Variants in DNAH3 observed in about 807,000 individuals in gnomAD.
DNAH3 encodes axonemal beta dynein heavy chain 3.
A neutral mutation model predicts 432.5 loss-of-function variants in DNAH3; 332 were observed. The ratio of observed to expected loss-of-function variants is 0.77; its 90% CI spans 0.70 to 0.84. The LOEUF (loss-of-function observed/expected upper bound fraction) is 0.84. DNAH3 is among the 40% of genes least tolerant of loss of function. The pLI is 0.00. For synonymous variants in DNAH3, 1,956 were observed against 1,900.2 expected (o/e 1.03, Z -0.76); for missense variants, 4,861 against 5,114.0 (o/e 0.95, Z 1.51).
exon 6 of DNAH3, chr16:21,136,491 T>G: frequency 3.7e-6 from 6 of 1,614,168 alleles, no homozygotes; most frequent in Non-Finnish European, 5.1e-6. Flanking sequence ...GCGAATTCCA[T>G]TGGTCAGATA....
At chr16:21,145,365 G>A (rs1266384826) in exon 3 of DNAH3, 1 of 1,614,086 alleles carries the variant, frequency 6.2e-7, no homozygotes, top group African/African-American at 1.3e-5. Context: ...TCCATGACGT[G>A]CGTTGCATCA....
At chr16:21,056,376 TCCTC>T (rs147593906) in intron 27 of DNAH3, among the ~76,000 whole-genome samples, 5 of 132,612 alleles carry the variant, frequency 3.8e-5, no homozygotes, top group East Asian at 2.6e-4. Context: ...CCTTCTTTTT[TCCTC>T]CCTCCCTCCC....
intron 3 of DNAH3, among the ~76,000 whole-genome samples, chr16:21,143,972 A>T (rs1284425157): frequency 6.6e-6 from 1 of 151,060 alleles, no homozygotes; most frequent in Non-Finnish European, 1.5e-5. Context: ...TAAGAAACTC[A>T]CCCAGACGTA....
chr16:20,941,675 G>C, intron 58 of DNAH3, 132 bp from the exon 59 acceptor site: 2 of 1,170,282 alleles, frequency 1.7e-6, no homozygotes, highest in South Asian at 3.0e-5. Context: ...CTCTCCAACA[G>C]AAGCCATTTC....
At chr16:20,940,120 C>T (rs191995694) in intron 59 of DNAH3, among the ~76,000 whole-genome samples, 139 of 152,282 alleles carry the variant, frequency 9.1e-4, no homozygotes, top group Non-Finnish European at 1.6e-3. Flanking sequence ...GATAAGTACA[C>T]GGGCTCTGGA....
intron 23 of DNAH3, among the ~76,000 whole-genome samples, chr16:21,068,325 T>TGGGGGGGGGGGGGGG (rs10547729): frequency 1.3e-5 from 1 of 76,602 alleles, no homozygotes; most frequent in Non-Finnish European, 3.0e-5. Flanking sequence ...TTTTTTTGGG[T>TGGGGGGGGGGGGGGG]GGGGGGGGGG....
chr16:20,971,993 T>C (rs1396459191), intron 51 of DNAH3, among the ~76,000 whole-genome samples: 2 of 152,226 alleles, frequency 1.3e-5, no homozygotes, highest in Non-Finnish European at 2.9e-5. Context: ...CTGATGTACC[T>C]GATTCTAGCA....
At chr16:21,059,799 A>G (rs2090281046) in intron 26 of DNAH3, among the ~76,000 whole-genome samples, 1 of 151,404 alleles carries the variant, frequency 6.6e-6, no homozygotes, top group African/African-American at 2.4e-5. Flanking sequence ...AAGAAGAAAG[A>G]GAGCTAGAGT....
chr16:21,103,096 A>G (rs896270411), intron 16 of DNAH3, among the ~76,000 whole-genome samples: 1 of 152,058 alleles, frequency 6.6e-6, no homozygotes, highest in African/African-American at 2.4e-5. Context: ...ATTCTCACTC[A>G]TAAGTGGGAG....
chr16:20,946,974 G>A (rs573365721), intron 57 of DNAH3, among the ~76,000 whole-genome samples: 43 of 151,806 alleles, frequency 2.8e-4, no homozygotes, highest in Non-Finnish European at 5.6e-4. Flanking sequence ...ACAAGTGCAT[G>A]CCATCACACC....
In DNAH3 at chr16:21,013,677, C is replaced by T. The variant is rs571603123; in HGVS notation, c.6022+5947G>A. ...GAGGTTACGATGAGCCAAGATCGTG[C>T]CATTGCACTCCAGCCTGGGCAACAA... On this transcript the variant is annotated intron_variant, in intron 41 of 61. Transcript: ENST00000261383. Among the ~76,000 whole-genome samples the T allele has an allele frequency of 3.5e-5, 5 of 144,274 alleles. No individual in the cohort carries two copies. In the South Asian group the frequency reaches 6.7e-4, roughly 19 times the overall value. 94.6% of individuals were successfully genotyped at this position (144,274 alleles called of 152,430 possible).
At chr16:21,016,677 C>T (rs182612870) in intron 41 of DNAH3, among the ~76,000 whole-genome samples, 1 of 152,244 alleles carries the variant, frequency 6.6e-6, no homozygotes, top group African/African-American at 2.4e-5. Context: ...CCAGAAATAG[C>T]AGAGACTCAA....
At chr16:21,005,892 A>C (rs1398545507) in intron 41 of DNAH3, among the ~76,000 whole-genome samples, 1 of 149,808 alleles carries the variant, frequency 6.7e-6, no homozygotes, top group Non-Finnish European at 1.5e-5. Context: ...GAGGCCCATC[A>C]GATATTTACC....
intron 43 of DNAH3, among the ~76,000 whole-genome samples, chr16:20,998,002 C>T (rs532154584): frequency 6.6e-6 from 1 of 152,148 alleles, no homozygotes; most frequent in South Asian, 2.1e-4. Flanking sequence ...CAGAGTGAGA[C>T]CCTGCCTCAA....
chr16:21,149,378 T>C (rs1206563076), intron 1 of DNAH3, among the ~76,000 whole-genome samples: 2 of 152,226 alleles, frequency 1.3e-5, no homozygotes, highest in African/African-American at 4.8e-5. Flanking sequence ...CTATTTAAAA[T>C]GCTCCTCTGG....
chr16:20,947,645 C>T (rs1408059763), intron 57 of DNAH3, among the ~76,000 whole-genome samples: 1 of 152,168 alleles, frequency 6.6e-6, no homozygotes, highest in African/African-American at 2.4e-5. Flanking sequence ...AAGGGGTAAC[C>T]TCCACACATT....
chr16:21,103,778 T>A (rs1382092518), intron 16 of DNAH3: 1 of 152,224 alleles, frequency 6.6e-6, no homozygotes, highest in Non-Finnish European at 1.5e-5. Context: ...GTAATTGATA[T>A]GAATCTGCAG....
intron 20 of DNAH3, among the ~76,000 whole-genome samples, chr16:21,079,275 A>C (rs564549333): frequency 6.6e-6 from 1 of 152,322 alleles, no homozygotes; most frequent in Non-Finnish European, 1.5e-5. Flanking sequence ...CTCATCTGTA[A>C]AATGAGAATA....
chr16:21,117,239 A>C (rs760663798), exon 12 of DNAH3: 1 of 1,610,128 alleles, frequency 6.2e-7, no homozygotes, highest in Non-Finnish European at 8.5e-7. Flanking sequence ...AAATACCTTG[A>C]AAGTTTGAAT....
Sources: allele counts gnomAD v4.1 joint callset (sites outside exome capture counted in the v4.1 genomes callset), GRCh38; gene constraint gnomAD v4.1.1; transcripts MANE v1.5; gene names NCBI Gene and HGNC (gene_info 2026-07-23, HGNC 2026-07-21).